TTC21B: variants seen among roughly 807,000 people sequenced by gnomAD.
TTC21B encodes the protein tetratricopeptide repeat domain 21B, also known as tetratricopeptide repeat protein 21B.
In TTC21B, 127 loss-of-function variants were observed where a neutral mutation model predicts 175.1. That is an observed-to-expected ratio of 0.73 (90% confidence interval 0.63 to 0.84). TTC21B has a LOEUF of 0.84. Ranked by LOEUF, TTC21B falls within the 40% of genes least tolerant of loss-of-function variation. TTC21B has a pLI of 0.00. For synonymous variants in TTC21B, 524 were observed against 524.5 expected, an observed-to-expected ratio of 1.00 and a Z score of 0.01; for missense variants, 1,561 against 1,558.3, an observed-to-expected ratio of 1.00 and a Z score of -0.03.
At chr2:165,903,286 A>C (rs2105307893) in intron 19 of TTC21B, among the ~76,000 whole-genome samples, 1 of 152,300 alleles carries the variant, frequency 6.6e-6, no homozygotes, top group East Asian at 1.9e-4. Context: ...TGGGATGAAG[A>C]GATGGAATGG....
intron 7 of TTC21B, among the ~76,000 whole-genome samples, chr2:165,932,535 T>C (rs1053243729): frequency 1.3e-5 from 2 of 152,144 alleles, no homozygotes; most frequent in Non-Finnish European, 2.9e-5. Context: ...TGCTTTATTA[T>C]GAGGTATAAT....
Position 165,883,996 on chromosome 2 carries a change from A to G in TTC21B, c.3482T>C (p.Leu1161Ser). 3.1e-6 allele frequency: 5 copies of G among 1,614,092 alleles called. No homozygotes were observed. Among genetic ancestry groups the G allele is most frequent in the Non-Finnish European group, 4.2e-6 (5 of 1,179,998 alleles). The change falls in exon 26 of 29, where the codon TTG becomes TCG. Residue 1161 changes from leucine (L) to serine (S), a missense_variant. Leu to Ser is a moderately radical substitution (Grantham distance 145). Coordinates refer to ENST00000243344, the MANE Select transcript of TTC21B (RefSeq NM_024753.5). ...ASEKEHIPAL[L>S]GMATAYMILK... ...GATCATATAAGCCGTTGCCATTCCC[A>G]AGAGCGCTGGGATATGCTCCTTCTA...
At chr2:165,926,482 C>T (rs1479111712) in intron 11 of TTC21B, among the ~76,000 whole-genome samples, 1 of 152,106 alleles carries the variant, frequency 6.6e-6, no homozygotes, top group African/African-American at 2.4e-5. Flanking sequence ...CCTCACCCTG[C>T]CCCAGCCACA....
At chr2:165,914,655 A>ATGTGTGTGTGTG (rs1466920048) in intron 15 of TTC21B, among the ~76,000 whole-genome samples, 2,140 of 75,664 alleles carry the variant, frequency 0.028, 70 homozygotes, top group Admixed American at 0.043. Flanking sequence ...AGGAAGAGCA[A>ATGTGTGTGTGTG]TCTGTGTGTG....
At chr2:165,878,706 G>C (rs1479480045) in intron 27 of TTC21B, among the ~76,000 whole-genome samples, 1 of 138,764 alleles carries the variant, frequency 7.2e-6, no homozygotes, top group Non-Finnish European at 1.5e-5. Flanking sequence ...TTTTGAGACA[G>C]AGTCTCACTC....
At chr2:165,885,851 T>C (rs1684983415) in intron 25 of TTC21B, among the ~76,000 whole-genome samples, 1 of 152,234 alleles carries the variant, frequency 6.6e-6, no homozygotes, top group Non-Finnish European at 1.5e-5. Flanking sequence ...TACAGCCAAC[T>C]TCTCTGTCTC....
chr2:165,931,557 A>G (rs941197037), intron 8 of TTC21B, among the ~76,000 whole-genome samples: 5 of 152,104 alleles, frequency 3.3e-5, no homozygotes, highest in Non-Finnish European at 7.4e-5. Flanking sequence ...AGTAAGTGGC[A>G]TTTCCTCCAT....
At chr2:165,953,535 G>A in intron 1 of TTC21B, 150 bp downstream of exon 1, 2 of 1,354,586 alleles carry the variant, frequency 1.5e-6, no homozygotes, top group Non-Finnish European at 2.0e-6. Context: ...GAGGCTGCAG[G>A]CCCACCCCGC....
At chr2:165,899,405 C>T (rs998058527) in intron 21 of TTC21B, among the ~76,000 whole-genome samples, 2 of 152,082 alleles carry the variant, frequency 1.3e-5, no homozygotes, top group African/African-American at 2.4e-5. Context: ...TCCCCTGTAA[C>T]TCCAAAAATT....
chr2:165,949,632 G>T lies in TTC21B; in HGVS notation c.114C>A (p.Val38=). 6.2e-7 allele frequency: 1 copy of T among 1,613,594 alleles called. No homozygotes were observed. ...TGCCATAGGCATGATAAAACCTGAAGACTGGATCACTTCCATACCTCTTAA... is the reference window on the plus strand; with the variant it reads ...TGCCATAGGCATGATAAAACCTGAATACTGGATCACTTCCATACCTCTTAA... The part of the protein sequence containing the change: ...EGIKRYGSDP[V]FRFYHAYGTL... The change falls in exon 2 of 29, where the codon GTC becomes GTA. Residue 38 remains valine, a synonymous_variant. Transcript: ENST00000243344.
At chr2:165,894,035 C>T (rs1291587952) in intron 22 of TTC21B, among the ~76,000 whole-genome samples, 1 of 152,074 alleles carries the variant, frequency 6.6e-6, no homozygotes, top group African/African-American at 2.4e-5. Flanking sequence ...ATATGCTAGT[C>T]CTATGATGAC....
intron 6 of TTC21B, 108 bp downstream of exon 6, chr2:165,940,919 G>GA: frequency 1.6e-6 from 2 of 1,257,756 alleles, no homozygotes; most frequent in Non-Finnish European, 2.3e-6. Flanking sequence ...CACACTGTTT[G>GA]AAAAAAATCA....
chr2:165,923,236 A>T (rs6745016), intron 12 of TTC21B, among the ~76,000 whole-genome samples: 44,603 of 151,912 alleles, frequency 0.29, 7,468 homozygotes, highest in Non-Finnish European at 0.39. Context: ...ACAAATAAAA[A>T]ATTGAAATAA....
Position 165,917,303 on chromosome 2 carries a change from G to A in TTC21B, c.1853C>T (p.Ser618Leu), listed in dbSNP as rs749287796. 6.8e-6 allele frequency: 11 copies of A among 1,614,132 alleles called. No individual in the cohort carries two copies. The highest frequency in any genetic ancestry group is 7.6e-6 in the Non-Finnish European group (9 of 1,180,016). The change falls in exon 14 of 29, where the codon TCG (serine) becomes TTG (leucine). Residue 618 changes from serine to leucine, a missense_variant. Physicochemically the swap from Ser to Leu is moderately radical, Grantham distance 145. Transcript: ENST00000243344. Reference sequence around the variant, plus strand: ...AACGTCTATCAATTCAAGAAAGATCGATAAACGATGGCTTGTATCAACTTC... The same window carrying A: ...AACGTCTATCAATTCAAGAAAGATCAATAAACGATGGCTTGTATCAACTTC... ...KTEVDTSHRL[S>L]IFLELIDVHR...
intron 24 of TTC21B, among the ~76,000 whole-genome samples, chr2:165,888,745 A>T (rs1181630171): frequency 6.6e-6 from 1 of 152,246 alleles, no homozygotes; most frequent in African/African-American, 2.4e-5. Context: ...AAAGTTGGAT[A>T]ATATCTACAT....
chr2:165,929,516 A>T, intron 10 of TTC21B, 134 bp downstream of exon 10: 1 of 877,056 alleles, frequency 1.1e-6, no homozygotes, highest in South Asian at 1.5e-5. Context: ...GAATGGAGGT[A>T]AATAAATGCA....
Position 165,880,663 on chromosome 2 carries a change from T to C in TTC21B, c.3805+16A>G, listed in dbSNP as rs762744266. The C allele has an allele frequency of 1.2e-6, 2 of 1,613,216 alleles. No individual in the cohort carries two copies. The highest frequency in any genetic ancestry group is 2.2e-5 in the East Asian group (1 of 44,790). On this transcript the variant is annotated intron_variant, in intron 27 of 28. Coordinates refer to ENST00000243344, the MANE Select transcript of TTC21B (RefSeq NM_024753.5). ...ATAATTTTTCTGTGAAAAATCTAGG[T>C]GATTGCCAAACTCACCTACTGCCGG...
At chr2:165,876,279 C>T in intron 27 of TTC21B, 47 bp from the exon 28 acceptor site, 1 of 1,199,208 alleles carries the variant, frequency 8.3e-7, no homozygotes, top group Non-Finnish European at 1.2e-6. Flanking sequence ...TACACTGCTA[C>T]TATTACTTTT....
intron 12 of TTC21B, among the ~76,000 whole-genome samples, chr2:165,922,015 C>T (rs1260266705): frequency 2.0e-5 from 3 of 151,828 alleles, no homozygotes; most frequent in African/African-American, 4.8e-5. Flanking sequence ...TCCATTGTAT[C>T]ATTCTTACGT....
Sources: allele counts gnomAD v4.1 joint callset (sites outside exome capture counted in the v4.1 genomes callset), GRCh38; gene constraint gnomAD v4.1.1; transcripts MANE v1.5; gene names NCBI Gene and HGNC (gene_info 2026-07-23, HGNC 2026-07-21).